Variants in HHIP observed in about 807,000 individuals in gnomAD.
HHIP encodes the protein hedgehog interacting protein.
HHIP carries 12 observed loss-of-function variants against 74.0 expected under a neutral mutation model. That is an observed-to-expected ratio of 0.16 (90% CI 0.10 to 0.26). HHIP has a LOEUF of 0.26. Among genes scored for constraint, HHIP ranks in the 10% least tolerant of loss-of-function variants. The pLI is 1.00. For synonymous variants in HHIP, 309 were observed against 311.6 expected, an observed-to-expected ratio of 0.99 and a Z score of 0.09; for missense variants, 788 against 845.0, an observed-to-expected ratio of 0.93 and a Z score of 0.84.
At position 144,737,856 on chromosome 4, in the gene HHIP, C is replaced by G; in HGVS notation, c.2002C>G (p.Gln668Glu). ...AGGATATCTTGGTCCTCAATGTGAA[C>G]AAGTGGACAGAAACATCCGCAGAGT... ...KKGYLGPQCE[Q>E]VDRNIRRVTR... is the part of the protein sequence containing the mutation. The change falls in exon 13 of 13, where the codon CAA becomes GAA. Residue 668 changes from glutamine (Q) to glutamate (E), a missense_variant. Transcript: ENST00000296575. 1 of 1,613,890 alleles carries G rather than the reference C, an allele frequency of 6.2e-7. No individual in the cohort carries two copies. The highest frequency in any genetic ancestry group is 8.5e-7 in the Non-Finnish European group (1 of 1,179,834).
At chr4:144,732,171 T>C (rs998921019) in intron 11 of HHIP, among the ~76,000 whole-genome samples, 39 of 152,186 alleles carry the variant, frequency 2.6e-4, no homozygotes, top group African/African-American at 9.2e-4. Flanking sequence ...AATGTTCATA[T>C]TAAGGGAGCC....
rs200800493 is a variant in HHIP, at chr4:144,738,352, G to C, written c.*395G>C. 6 of 979,536 alleles carry C rather than the reference G, an allele frequency of 6.1e-6. No individual in the cohort carries two copies. The African/African-American group carries it at 1.1e-4, about 17-fold the overall frequency. The allele number at this position is 979,536 out of a possible 1,614,324, so 60.7% of individuals were successfully genotyped here. On this transcript the variant is annotated 3_prime_UTR_variant, in exon 13 of 13. Coordinates refer to ENST00000296575, the MANE Select transcript of HHIP (RefSeq NM_022475.3). ...TTTAATAGAGTTTTGAAACAGTACT[G>C]TGCAATCCGATGGATCTAATTAAAA...
intron 10 of HHIP, among the ~76,000 whole-genome samples, chr4:144,716,349 A>AT (rs1262870200): frequency 2.0e-5 from 3 of 152,174 alleles, no homozygotes; most frequent in Admixed American, 2.0e-4. Flanking sequence ...GTTGAAACAC[A>AT]TAAGATAAGT....
chr4:144,654,818 C>G (rs1028445330), intron 2 of HHIP: 4 of 152,164 alleles, frequency 2.6e-5, no homozygotes, highest in Non-Finnish European at 5.9e-5. Flanking sequence ...AGTGTTGGAA[C>G]AGCTACTTTG....
At chr4:144,652,829 C>G (rs773346015) in intron 2 of HHIP, 32 bp downstream of exon 2, 2 of 1,385,204 alleles carry the variant, frequency 1.4e-6, no homozygotes, top group Non-Finnish European at 2.0e-6. Flanking sequence ...GTAAAATAAA[C>G]CACTGCACAA....
chr4:144,719,855 C>T (rs952101517), intron 11 of HHIP, among the ~76,000 whole-genome samples: 1 of 152,178 alleles, frequency 6.6e-6, no homozygotes, highest in Non-Finnish European at 1.5e-5. Flanking sequence ...CAATTCAAGT[C>T]TTTTTCAAAA....
At chr4:144,695,131 A>T (rs1729779532) in intron 4 of HHIP, among the ~76,000 whole-genome samples, 1 of 150,482 alleles carries the variant, frequency 6.6e-6, no homozygotes, top group Non-Finnish European at 1.5e-5. Flanking sequence ...TTCTAACAAG[A>T]TTTGCTTGAT....
chr4:144,669,753 T>C (rs1728980073), intron 4 of HHIP, among the ~76,000 whole-genome samples: 1 of 152,068 alleles, frequency 6.6e-6, no homozygotes, highest in Admixed American at 6.6e-5. Flanking sequence ...TAAAGCATTA[T>C]TTTAAAATAT....
chr4:144,701,202 C>T (rs1270227760), intron 4 of HHIP, among the ~76,000 whole-genome samples: 1 of 152,104 alleles, frequency 6.6e-6, no homozygotes, highest in Admixed American at 6.5e-5. Context: ...TACCAGAGAG[C>T]TTCATTCATA....
At chr4:144,679,043 T>C (rs576409022) in intron 4 of HHIP, among the ~76,000 whole-genome samples, 18 of 152,342 alleles carry the variant, frequency 1.2e-4, no homozygotes, top group African/African-American at 4.3e-4. Flanking sequence ...CAGCATCTGT[T>C]GTTTCCTGAC....
intron 11 of HHIP, among the ~76,000 whole-genome samples, chr4:144,730,569 C>A (rs957201999): frequency 6.6e-6 from 1 of 151,956 alleles, no homozygotes; most frequent in South Asian, 2.1e-4. Flanking sequence ...CTTATTAGAT[C>A]GTACATTAAA....
intron 2 of HHIP, among the ~76,000 whole-genome samples, chr4:144,656,199 T>C (rs1201982864): frequency 6.6e-6 from 1 of 152,148 alleles, no homozygotes; most frequent in East Asian, 1.9e-4. Context: ...TAAATTCAAA[T>C]AAAATTACAT....
In HHIP at chr4:144,652,716, T is replaced by G; in HGVS notation, c.391T>G (p.Leu131Val). 6.2e-7 allele frequency: 1 copy of G among 1,613,168 alleles called. No homozygotes were observed. Among genetic ancestry groups the G allele is most frequent in the African/African-American group, 1.3e-5 (1 of 75,026 alleles). Residue 131 changes from leucine to valine, a missense_variant, in exon 2 of 13, where the codon TTG becomes GTG. Around this residue, in one of 3 missense-constraint regions of HHIP, gnomAD observed 373 missense variants for 366.4 expected, o/e 1.02. Transcript: ENST00000296575. ...GTTCCACTCACCTGAGAGAGAAGTC[T>G]TGGAAAGAGACCTAGTACTTCCTCT... ...SLFHSPEREV[L>V]ERDLVLPLLC... is the part of the protein sequence containing the mutation.
In HHIP at chr4:144,744,508, A is replaced by T. The variant is rs902747605; in HGVS notation, c.*6551A>T. On this transcript the variant is annotated 3_prime_UTR_variant, in exon 13 of 13. Transcript: ENST00000296575. ...AGAAGGGTATTTGAATAGGTAGTAAAGGCAGGTACAAGTTTAAGGGAGCAG... is the reference window on the plus strand; with the variant it reads ...AGAAGGGTATTTGAATAGGTAGTAATGGCAGGTACAAGTTTAAGGGAGCAG... 1.3e-5 allele frequency: 2 copies of T among 152,212 alleles called. No homozygotes were observed. The highest frequency in any genetic ancestry group is 4.8e-5 in the African/African-American group (2 of 41,448). The allele number at this position is 152,212 out of a possible 1,614,324, so 9.4% of individuals were successfully genotyped here.
chr4:144,684,889 T>C (rs1425951863), intron 4 of HHIP, among the ~76,000 whole-genome samples: 1 of 152,210 alleles, frequency 6.6e-6, no homozygotes, highest in Non-Finnish European at 1.5e-5. Context: ...CTTGTACACA[T>C]ATTTCAAATC....
intron 11 of HHIP, among the ~76,000 whole-genome samples, chr4:144,731,841 C>T (rs577415790): frequency 1.3e-5 from 2 of 152,306 alleles, no homozygotes; most frequent in African/African-American, 4.8e-5. Flanking sequence ...TATAACATCC[C>T]TTAAAGTAGT....
At chr4:144,683,730 A>C (rs1729406084) in intron 4 of HHIP, among the ~76,000 whole-genome samples, 1 of 152,188 alleles carries the variant, frequency 6.6e-6, no homozygotes, top group African/African-American at 2.4e-5. Context: ...TTGTTTATGT[A>C]TTCTCTGTGG....
In HHIP at chr4:144,646,639, T is replaced by A; in HGVS notation, c.-37T>A. The A allele has an allele frequency of 6.3e-7, 1 of 1,594,374 alleles. No homozygotes were observed. The highest frequency in any genetic ancestry group is 1.1e-5 in the South Asian group (1 of 87,992). ...TGCTGGGCAGTGGCGTTCCCCCCCA[T>A]CCTCCCGCGCCCAGCCCCTGCTGCT... On this transcript the variant is annotated 5_prime_UTR_variant, in exon 1 of 13. Transcript: ENST00000296575.
Position 144,718,942 on chromosome 4 carries a change from T to C in HHIP, c.1746T>C (p.Ile582=). Reference sequence around the variant, plus strand: ...CTCACAATGGAAAACTCTACAAAATTGTAGATCCCAAAAGGTGAGATTTCC... The same window carrying C: ...CTCACAATGGAAAACTCTACAAAATCGTAGATCCCAAAAGGTGAGATTTCC... ...TQTHNGKLYK[I]VDPKRPLMPE... The change falls in exon 11 of 13, where the codon ATT becomes ATC. Residue 582 remains isoleucine (I), a synonymous_variant. Coordinates refer to ENST00000296575, the MANE Select transcript of HHIP (RefSeq NM_022475.3). The C allele has an allele frequency of 6.3e-7, 1 of 1,598,048 alleles. No homozygotes were observed. The highest frequency in any genetic ancestry group is 1.1e-5 in the South Asian group (1 of 90,724).
Sources: allele counts gnomAD v4.1 joint callset (sites outside exome capture counted in the v4.1 genomes callset), GRCh38; gene constraint gnomAD v4.1.1; regional missense constraint gnomAD v4.1.1; transcripts MANE v1.5; gene names NCBI Gene and HGNC (gene_info 2026-07-23, HGNC 2026-07-21).